NEK7: variants seen among roughly 807,000 people sequenced by gnomAD.
The protein encoded by NEK7 is NIMA related kinase 7.
Under a neutral mutation model 44.6 loss-of-function variants are expected in NEK7, and 18 were observed. The ratio of observed to expected loss-of-function variants is 0.40; its 90% CI spans 0.28 to 0.60. The LOEUF (loss-of-function observed/expected upper bound fraction) is 0.60, where lower values mean the gene tolerates loss of function less well. Ranked by LOEUF, NEK7 falls within the 20% of genes least tolerant of loss-of-function variation. The pLI is 0.38. For missense variants in NEK7, 256 were observed against 366.5 expected, an observed-to-expected ratio of 0.70 and a Z score of 2.46; for synonymous variants, 130 against 121.1, an observed-to-expected ratio of 1.07 and a Z score of -0.48.
intron 9 of NEK7, among the ~76,000 whole-genome samples, chr1:198,301,156 C>T (rs1298732149): frequency 6.6e-6 from 1 of 152,164 alleles, no homozygotes; most frequent in Non-Finnish European, 1.5e-5. Context: ...ATATATACTT[C>T]GTTTCTTTCA....
intron 1 of NEK7, among the ~76,000 whole-genome samples, chr1:198,159,272 C>T (rs1039511260): frequency 3.3e-5 from 5 of 151,990 alleles, no homozygotes; most frequent in Non-Finnish European, 2.9e-5. Flanking sequence ...GAAGGGGCGC[C>T]AGGCTGAGGG....
At chr1:198,188,496 A>G (rs965617678) in intron 1 of NEK7, among the ~76,000 whole-genome samples, 5 of 152,040 alleles carry the variant, frequency 3.3e-5, no homozygotes, top group Admixed American at 3.3e-4. Flanking sequence ...TACTTTTTGT[A>G]GCAGCTAGCA....
chr1:198,239,596 A>C (rs1666629829), intron 2 of NEK7, among the ~76,000 whole-genome samples: 1 of 152,292 alleles, frequency 6.6e-6, no homozygotes. Flanking sequence ...CTATATTAGC[A>C]TGCTTCTAAT....
At chr1:198,272,619 T>C (rs1653890715) in intron 5 of NEK7, among the ~76,000 whole-genome samples, 1 of 151,902 alleles carries the variant, frequency 6.6e-6, no homozygotes, top group African/African-American at 2.4e-5. Context: ...CTGACTGTTC[T>C]TTTTAATCTC....
chr1:198,296,830 T>C (rs959467503), intron 8 of NEK7, among the ~76,000 whole-genome samples: 8 of 152,206 alleles, frequency 5.3e-5, no homozygotes, highest in Non-Finnish European at 8.8e-5. Context: ...ACAAAGAGTT[T>C]TTAAATTATG....
intron 2 of NEK7, among the ~76,000 whole-genome samples, chr1:198,240,331 A>G (rs911086627): frequency 6.6e-6 from 1 of 152,208 alleles, no homozygotes; most frequent in Non-Finnish European, 1.5e-5. Context: ...TTTGAAAAGA[A>G]TGAGAACACA....
At chr1:198,297,074 C>T in intron 8 of NEK7, 53 bp from the exon 9 acceptor site, 2 of 1,137,254 alleles carry the variant, frequency 1.8e-6, no homozygotes, top group Non-Finnish European at 2.6e-6. Flanking sequence ...TTGATGAAAT[C>T]ACCTTTTAAG....
chr1:198,260,493 T>C (rs1653425313), intron 3 of NEK7, among the ~76,000 whole-genome samples: 2 of 151,990 alleles, frequency 1.3e-5, no homozygotes, highest in Admixed American at 1.3e-4. Flanking sequence ...GAAATCATGG[T>C]AGTTAACATG....
chr1:198,315,035 G>A (rs1478848290), intron 9 of NEK7, among the ~76,000 whole-genome samples: 4 of 152,094 alleles, frequency 2.6e-5, no homozygotes, highest in South Asian at 4.2e-4. Flanking sequence ...CCCCAGCCTC[G>A]CCGCCACCTT....
intron 1 of NEK7, among the ~76,000 whole-genome samples, chr1:198,198,396 A>G (rs1665308312): frequency 1.3e-5 from 2 of 152,074 alleles, no homozygotes; most frequent in Admixed American, 6.5e-5. Flanking sequence ...TACTGATGGG[A>G]CCTGTGTATC....
At chr1:198,247,082 A>G (rs1029483244) in intron 2 of NEK7, among the ~76,000 whole-genome samples, 1 of 152,212 alleles carries the variant, frequency 6.6e-6, no homozygotes, top group Non-Finnish European at 1.5e-5. Flanking sequence ...TGTTACATAT[A>G]TATCATTTTG....
chr1:198,199,166 G>A (rs865799480), intron 1 of NEK7, among the ~76,000 whole-genome samples: 2 of 152,220 alleles, frequency 1.3e-5, no homozygotes, highest in Non-Finnish European at 2.9e-5. Flanking sequence ...CTTTTGGGAA[G>A]AGCACCATGA....
rs576177053 is a variant in NEK7, at chr1:198,212,087, G to A, written c.-28-20466G>A. ...TCCCAGACTCCAGTGGGATGGGAGC[G>A]AAGCCATTCCTGATCCTGTCTCACA... On this transcript the variant is annotated intron_variant, in intron 1 of 9. Coordinates refer to ENST00000367385, the MANE Select transcript of NEK7 (RefSeq NM_133494.3). Among the ~76,000 whole-genome samples, 22 of 152,308 alleles carry A rather than the reference G, an allele frequency of 1.4e-4. No homozygotes were observed. In the East Asian group the frequency reaches 3.7e-3, roughly 25 times the overall value.
At chr1:198,269,763 T>A (rs971969205) in intron 5 of NEK7, among the ~76,000 whole-genome samples, 4 of 152,058 alleles carry the variant, frequency 2.6e-5, no homozygotes, top group African/African-American at 9.7e-5. Context: ...ACAAATATAA[T>A]TAAGCAATTT....
intron 1 of NEK7, among the ~76,000 whole-genome samples, chr1:198,163,536 A>T (rs527698807): frequency 5.9e-5 from 9 of 152,276 alleles, no homozygotes; most frequent in Admixed American, 3.3e-4. Flanking sequence ...AAAAAAATTA[A>T]AAAAAGAGAC....
intron 1 of NEK7, among the ~76,000 whole-genome samples, chr1:198,191,213 T>C (rs1034437926): frequency 6.6e-5 from 10 of 152,092 alleles, no homozygotes; most frequent in African/African-American, 2.4e-4. Flanking sequence ...TGTTAGAGTT[T>C]TTTTGGAGTA....
intron 1 of NEK7, among the ~76,000 whole-genome samples, chr1:198,230,790 A>G (rs1423755259): frequency 6.6e-6 from 1 of 152,064 alleles, no homozygotes; most frequent in Admixed American, 6.6e-5. Context: ...AACAATCAGA[A>G]AATTGAATTA....
chr1:198,228,659 G>C (rs1209138513), intron 1 of NEK7, among the ~76,000 whole-genome samples: 3 of 151,960 alleles, frequency 2.0e-5, no homozygotes, highest in Non-Finnish European at 1.5e-5. Flanking sequence ...TCATGATTTG[G>C]CTCTCTGTTT....
At chr1:198,219,879 C>G (rs1262572749) in intron 1 of NEK7, among the ~76,000 whole-genome samples, 1 of 137,398 alleles carries the variant, frequency 7.3e-6, no homozygotes, top group Non-Finnish European at 1.5e-5. Flanking sequence ...CTGCCAGGCT[C>G]TCTACTATGA....
Sources: allele counts gnomAD v4.1 joint callset (sites outside exome capture counted in the v4.1 genomes callset), GRCh38; gene constraint gnomAD v4.1.1; transcripts MANE v1.5; gene names NCBI Gene and HGNC (gene_info 2026-07-23, HGNC 2026-07-21).